EEF2K: variants seen among roughly 807,000 people sequenced by gnomAD.
EEF2K encodes alternative protein EEF2K.
A neutral mutation model predicts 93.8 loss-of-function variants in EEF2K; 70 were observed. The ratio of observed to expected loss-of-function variants is 0.75; its 90% CI spans 0.62 to 0.91. The LOEUF is 0.91. EEF2K is among the 40% of genes least tolerant of loss of function. The pLI is 0.00. For synonymous variants in EEF2K, 376 were observed against 380.8 expected (o/e 0.99, Z 0.15); for missense variants, 935 against 972.9 (o/e 0.96, Z 0.52).
chr16:22,248,260 T>C (rs993029076), intron 3 of EEF2K, among the ~76,000 whole-genome samples: 2 of 152,208 alleles, frequency 1.3e-5, no homozygotes, highest in African/African-American at 4.8e-5. Context: ...AGGCAGAGTT[T>C]CACCTTGTTG....
Position 22,285,498 on chromosome 16 carries a change from T to G in EEF2K, c.*1502T>G, listed in dbSNP as rs1006083961. On this transcript the variant is annotated 3_prime_UTR_variant, in exon 18 of 18. Coordinates refer to ENST00000263026, the MANE Select transcript of EEF2K (RefSeq NM_013302.5). ...CTTTCAATGGAATTCAGCTCTCACA[T>G]TAGTATGATTTCATTTGATGTTTCA... The G allele has an allele frequency of 6.6e-6, 1 of 152,210 alleles. No homozygotes were observed. The highest frequency in any genetic ancestry group is 2.4e-5 in the African/African-American group (1 of 41,452). The allele number at this position is 152,210 out of a possible 1,614,324, so 9.4% of individuals were successfully genotyped here. A position where few individuals can be genotyped will look rare whatever the true frequency, so the allele number is the denominator to read the frequency against.
At position 22,264,850 on chromosome 16, in the gene EEF2K, T is replaced by C. The variant is rs761929053; in HGVS notation, c.1410T>C (p.Ser470=). 6.2e-7 allele frequency: 1 copy of C among 1,614,016 alleles called. No individual in the cohort carries two copies. Among genetic ancestry groups the C allele is most frequent in the Non-Finnish European group, 8.5e-7 (1 of 1,179,942 alleles). The change falls in exon 13 of 18, where the codon TCT becomes TCC. Residue 470 remains serine, a synonymous_variant. Coordinates refer to ENST00000263026, the MANE Select transcript of EEF2K (RefSeq NM_013302.5). ...CATACAGTAATCGGAAGTACGAGTC[T>C]GACGAAGACAGCCTGGGCAGCTCTG... ...GHSYSNRKYE[S]DEDSLGSSGR...
chr16:22,270,126 T>C (rs2047563530), intron 15 of EEF2K, among the ~76,000 whole-genome samples: 1 of 151,684 alleles, frequency 6.6e-6, no homozygotes. Context: ...CCGGCTACTT[T>C]TTTTTTTTTG....
chr16:22,253,880 C>A (rs886166493), intron 6 of EEF2K, among the ~76,000 whole-genome samples: 2 of 151,958 alleles, frequency 1.3e-5, no homozygotes. Context: ...GGGCGGATCA[C>A]CTGAGGTCAG....
Position 22,273,769 on chromosome 16 carries a change from A to C in EEF2K, c.1889+19A>C. ...CGGACAGGTACTGCAGCTGTCACCCAGGAGGAGCTGGTAGGAACCTGGGCT... is the reference window on the plus strand; with the variant it reads ...CGGACAGGTACTGCAGCTGTCACCCCGGAGGAGCTGGTAGGAACCTGGGCT... On this transcript the variant is annotated intron_variant, in intron 16 of 17. Coordinates refer to ENST00000263026, the MANE Select transcript of EEF2K (RefSeq NM_013302.5). 6.2e-7 allele frequency: 1 copy of C among 1,611,374 alleles called. No homozygotes were observed. The highest frequency in any genetic ancestry group is 1.3e-5 in the African/African-American group (1 of 74,956).
At chr16:22,256,200 T>G (rs2047397040) in intron 6 of EEF2K, among the ~76,000 whole-genome samples, 1 of 152,096 alleles carries the variant, frequency 6.6e-6, no homozygotes. Context: ...CAGGTTCAAG[T>G]GATTCTCCTG....
chr16:22,241,824 G>A (rs1567271673), intron 2 of EEF2K, among the ~76,000 whole-genome samples: 1 of 151,932 alleles, frequency 6.6e-6, no homozygotes. Flanking sequence ...TTTGAACTCT[G>A]CAGAGGTAAA....
chr16:22,239,957 G>A (rs2047204202), intron 2 of EEF2K, among the ~76,000 whole-genome samples: 1 of 152,096 alleles, frequency 6.6e-6, no homozygotes, highest in Non-Finnish European at 1.5e-5. Flanking sequence ...ACAATAATTA[G>A]CTGGGCGTGG....
At chr16:22,258,916 G>C (rs2047436120) in intron 10 of EEF2K, 1 of 523,726 alleles carries the variant, frequency 1.9e-6, no homozygotes, top group African/African-American at 1.9e-5. Context: ...ACTTTTATCA[G>C]TGTGTTTTAT....
chr16:22,270,346 A>G (rs2047566533), intron 15 of EEF2K, among the ~76,000 whole-genome samples: 1 of 151,762 alleles, frequency 6.6e-6, no homozygotes, highest in Non-Finnish European at 1.5e-5. Context: ...GCTGGTCTCG[A>G]ACTCCTGACC....
At chr16:22,244,602 T>C (rs1460719987) in intron 2 of EEF2K, 28 bp from the exon 3 acceptor site, 1 of 1,612,720 alleles carries the variant, frequency 6.2e-7, no homozygotes, top group Admixed American at 1.7e-5. Context: ...GGGCCTGATG[T>C]TCCTACCTTC....
At chr16:22,257,871 T>G in intron 9 of EEF2K, 101 bp downstream of exon 9, 1 of 1,507,370 alleles carries the variant, frequency 6.6e-7, no homozygotes, top group Non-Finnish European at 8.9e-7. Flanking sequence ...CAAGCAGTGC[T>G]TAACTGATGA....
chr16:22,250,621 G>T (rs553059450), intron 4 of EEF2K, 33 bp from the exon 5 acceptor site: 1 of 1,614,098 alleles, frequency 6.2e-7, no homozygotes, highest in East Asian at 2.2e-5. Context: ...GTGGGGCATG[G>T]GGACTGATAA....
At chr16:22,252,435 C>T (rs2047360676) in intron 6 of EEF2K, among the ~76,000 whole-genome samples, 1 of 152,134 alleles carries the variant, frequency 6.6e-6, no homozygotes, top group Non-Finnish European at 1.5e-5. Flanking sequence ...CCTATTTCCC[C>T]AGAAGTTCCA....
At chr16:22,246,515 TAAAA>T (rs746408835) in intron 3 of EEF2K, among the ~76,000 whole-genome samples, 4 of 70,490 alleles carry the variant, frequency 5.7e-5, no homozygotes, top group Non-Finnish European at 1.1e-4. Flanking sequence ...GACTCAGTCT[TAAAA>T]AAAAAAAAAA....
chr16:22,272,159 C>T (rs1470421052), intron 15 of EEF2K, among the ~76,000 whole-genome samples: 1 of 152,162 alleles, frequency 6.6e-6, no homozygotes, highest in Non-Finnish European at 1.5e-5. Context: ...TTATATGTGA[C>T]CCAGCAGTTT....
intron 2 of EEF2K, among the ~76,000 whole-genome samples, chr16:22,232,679 G>A (rs1049732373): frequency 2.0e-5 from 3 of 152,074 alleles, no homozygotes; most frequent in Non-Finnish European, 2.9e-5. Flanking sequence ...TGTCTGATGC[G>A]ACCTCCATTC....
chr16:22,232,098 TCA>T (rs749361156), intron 2 of EEF2K, among the ~76,000 whole-genome samples: 2 of 146,108 alleles, frequency 1.4e-5, no homozygotes, highest in Non-Finnish European at 3.0e-5. Context: ...TCCCCTCCAC[TCA>T]CACACATCTG....
Position 22,284,177 on chromosome 16 carries a change from C to A in EEF2K, c.*181C>A. 1 of 627,388 alleles carries A rather than the reference C, an allele frequency of 1.6e-6. No individual in the cohort carries two copies. Among genetic ancestry groups the A allele is most frequent in the Non-Finnish European group, 2.8e-6 (1 of 358,274 alleles). The allele number at this position is 627,388 out of a possible 1,614,324, so 38.9% of individuals were successfully genotyped here. The stretch of plus-strand genomic sequence containing the variant: ...GTCTTTGCTCCTTGGCAGCTACCAG[C>A]AGAGACTCTATAGCTGTCTCTTAGG... On this transcript the variant is annotated 3_prime_UTR_variant, in exon 18 of 18. Coordinates refer to ENST00000263026, the MANE Select transcript of EEF2K (RefSeq NM_013302.5).
Sources: allele counts gnomAD v4.1 joint callset (sites outside exome capture counted in the v4.1 genomes callset), GRCh38; gene constraint gnomAD v4.1.1; transcripts MANE v1.5; gene names NCBI Gene and HGNC (gene_info 2026-07-23, HGNC 2026-07-21).